The following RABGAP1L variants were observed in gnomAD, a reference collection of about 807,000 sequenced individuals.
RABGAP1L encodes the protein rab GTPase-activating protein 1-like.
RABGAP1L carries 63 observed loss-of-function variants against 137.7 expected under a neutral mutation model. The observed-to-expected ratio is 0.46, with a 90% CI of 0.37 to 0.56. RABGAP1L has a LOEUF of 0.56. RABGAP1L is among the 20% of genes least tolerant of loss of function. The pLI, the probability that RABGAP1L is intolerant of heterozygous loss-of-function variation, is 0.00. For synonymous variants in RABGAP1L, 431 were observed against 433.7 expected, an observed-to-expected ratio of 0.99 and a Z score of 0.08; for missense variants, 1,095 against 1,244.0, an observed-to-expected ratio of 0.88 and a Z score of 1.80.
chr1:174,565,912 T>C (rs2148032947), intron 13 of RABGAP1L, among the ~76,000 whole-genome samples: 1 of 144,840 alleles, frequency 6.9e-6, no homozygotes, highest in African/African-American at 2.5e-5. Context: ...TTGAGACAGG[T>C]TCTGGTTCTG....
At chr1:174,305,330 A>G (rs1678104254) in intron 11 of RABGAP1L, among the ~76,000 whole-genome samples, 1 of 152,174 alleles carries the variant, frequency 6.6e-6, no homozygotes, top group African/African-American at 2.4e-5. Context: ...TTTTGCAACT[A>G]TTTAAATTTG....
chr1:174,356,288 T>G (rs952384473), intron 11 of RABGAP1L, among the ~76,000 whole-genome samples: 1 of 152,104 alleles, frequency 6.6e-6, no homozygotes, highest in Non-Finnish European at 1.5e-5. Flanking sequence ...AAGCAAGGAT[T>G]TGTTTACTAA....
intron 11 of RABGAP1L, among the ~76,000 whole-genome samples, chr1:174,310,840 GTATTCTCTCATACTCA>G (rs1002007246): frequency 7.9e-5 from 12 of 152,040 alleles, no homozygotes; most frequent in African/African-American, 2.7e-4. Context: ...CTCTTTGAGA[GTATTCTCTCATACTCA>G]TATTCTCTCA....
At chr1:174,856,321 G>C (rs1200830039) in intron 19 of RABGAP1L, among the ~76,000 whole-genome samples, 1 of 151,472 alleles carries the variant, frequency 6.6e-6, no homozygotes, top group Admixed American at 6.6e-5. Context: ...CTTGAACACA[G>C]GAGGCGGAAG....
chr1:174,925,376 A>C (rs1274712657), intron 19 of RABGAP1L, among the ~76,000 whole-genome samples: 4 of 150,998 alleles, frequency 2.6e-5, no homozygotes, highest in Non-Finnish European at 4.4e-5. Context: ...AAAAAAAAAA[A>C]AAACAGCAAA....
At chr1:174,713,899 C>T (rs879251206) in intron 17 of RABGAP1L, among the ~76,000 whole-genome samples, 4 of 152,208 alleles carry the variant, frequency 2.6e-5, no homozygotes, top group Admixed American at 2.6e-4. Flanking sequence ...GTCTTCCTGT[C>T]ATTTTTTTCC....
intron 13 of RABGAP1L, among the ~76,000 whole-genome samples, chr1:174,440,140 T>A (rs746399254): frequency 3.3e-5 from 5 of 151,756 alleles, no homozygotes; most frequent in Non-Finnish European, 7.4e-5. Flanking sequence ...GGGATATGAG[T>A]TGGTGGGGAG....
At chr1:174,795,111 C>T (rs1688147444) in intron 18 of RABGAP1L, among the ~76,000 whole-genome samples, 1 of 152,106 alleles carries the variant, frequency 6.6e-6, no homozygotes, top group African/African-American at 2.4e-5. Flanking sequence ...AGTCATTAGA[C>T]CATGGCTTTG....
chr1:174,961,158 T>C (rs1386718163), intron 20 of RABGAP1L, among the ~76,000 whole-genome samples: 2 of 152,216 alleles, frequency 1.3e-5, no homozygotes, highest in Non-Finnish European at 2.9e-5. Flanking sequence ...TTGTGTAAAA[T>C]TCTTTGTCTA....
chr1:174,171,009 A>G (rs921849791), intron 1 of RABGAP1L, among the ~76,000 whole-genome samples: 3 of 152,194 alleles, frequency 2.0e-5, no homozygotes, highest in African/African-American at 7.2e-5. Context: ...ATAAAGACAT[A>G]TTTTGTGTGG....
intron 19 of RABGAP1L, among the ~76,000 whole-genome samples, chr1:174,904,744 G>C (rs533597348): frequency 6.6e-6 from 1 of 152,132 alleles, no homozygotes; most frequent in East Asian, 1.9e-4. Flanking sequence ...CAACTCCCTG[G>C]GTTCAAGCAG....
intron 13 of RABGAP1L, among the ~76,000 whole-genome samples, chr1:174,462,506 T>C (rs1227385833): frequency 6.6e-6 from 1 of 152,192 alleles, no homozygotes; most frequent in Non-Finnish European, 1.5e-5. Flanking sequence ...ATTAAACTTT[T>C]GACTTCTGCA....
intron 11 of RABGAP1L, among the ~76,000 whole-genome samples, chr1:174,321,939 C>A (rs917203492): frequency 3.3e-5 from 5 of 152,104 alleles, no homozygotes; most frequent in Non-Finnish European, 7.4e-5. Context: ...TTTGTAAATT[C>A]TGTTACTTGT....
At position 174,875,699 on chromosome 1, in the gene RABGAP1L, T is replaced by C. The variant is rs1277594020; in HGVS notation, c.2340+63739T>C. 4 of 985,094 alleles carry C rather than the reference T, an allele frequency of 4.1e-6. No individual in the cohort carries two copies. The African/African-American group carries it at 5.2e-5, about 13-fold the overall frequency. 61.0% of individuals were successfully genotyped at this position (985,094 alleles called of 1,614,324 possible). ...ATCTTTTAAAGTACTTCTGAAAAGA[T>C]AAGGAGTTTAAAAGGTATGAACTGC... On this transcript the variant is annotated intron_variant, in intron 19 of 25. Coordinates refer to ENST00000681986, the MANE Select transcript of RABGAP1L (RefSeq NM_001366446.1).
At chr1:174,205,386 G>A (rs1240652154) in intron 1 of RABGAP1L, among the ~76,000 whole-genome samples, 1 of 152,064 alleles carries the variant, frequency 6.6e-6, no homozygotes, top group Non-Finnish European at 1.5e-5. Flanking sequence ...TGTAGATCTG[G>A]TAGAATTCAG....
intron 19 of RABGAP1L, among the ~76,000 whole-genome samples, chr1:174,933,687 G>C (rs146691998): frequency 1.8e-4 from 27 of 152,222 alleles, no homozygotes; most frequent in African/African-American, 6.3e-4. Flanking sequence ...AAGCTTTCTA[G>C]GGAATTCTGG....
At chr1:174,952,228 C>A (rs66700013) in intron 19 of RABGAP1L, among the ~76,000 whole-genome samples, 89,282 of 150,728 alleles carry the variant, frequency 0.59, 29,237 homozygotes, top group African/African-American at 0.89. Context: ...TGGGCCAGGC[C>A]TGGTGGCTCA....
intron 18 of RABGAP1L, among the ~76,000 whole-genome samples, chr1:174,777,401 C>T (rs183358026): frequency 6.6e-6 from 1 of 152,232 alleles, no homozygotes; most frequent in Non-Finnish European, 1.5e-5. Context: ...TTCAACAGTA[C>T]CCCTCATCTC....
chr1:174,776,041 A>T (rs1292946689), intron 18 of RABGAP1L, among the ~76,000 whole-genome samples: 1 of 152,112 alleles, frequency 6.6e-6, no homozygotes, highest in East Asian at 1.9e-4. Flanking sequence ...TAAGAACTAC[A>T]CCATTTTCCA....
Sources: gnomAD v4.1 joint callset for allele counts (sites outside exome capture counted in the v4.1 genomes callset) on GRCh38, gnomAD v4.1.1 for gene constraint, MANE v1.5 for transcripts, NCBI Gene and HGNC (gene_info 2026-07-23, HGNC 2026-07-21) for gene names.